TMEM135: variants seen among roughly 807,000 people sequenced by gnomAD.
TMEM135 encodes the protein transmembrane protein 135.
TMEM135 carries 30 observed loss-of-function variants against 60.3 expected under a neutral mutation model. The ratio of observed to expected loss-of-function variants is 0.50; its 90% CI spans 0.37 to 0.68. The LOEUF (loss-of-function observed/expected upper bound fraction) is 0.68, where lower values mean the gene tolerates loss of function less well. Ranked by LOEUF, TMEM135 falls within the 30% of genes least tolerant of loss-of-function variation. TMEM135 has a pLI of 0.00. For synonymous variants in TMEM135, 190 were observed against 186.7 expected, an observed-to-expected ratio of 1.02 and a Z score of -0.14; for missense variants, 468 against 548.8, an observed-to-expected ratio of 0.85 and a Z score of 1.47.
At chr11:87,247,446 A>C (rs526114) in intron 6 of TMEM135, among the ~76,000 whole-genome samples, 99,675 of 151,478 alleles carry the variant, frequency 0.66, 33,348 homozygotes, top group Non-Finnish European at 0.71. Context: ...TGTCTGTGCC[A>C]TTCCCCCAGA....
At chr11:87,269,280 GT>G (rs374547199) in intron 6 of TMEM135, among the ~76,000 whole-genome samples, 2,914 of 115,280 alleles carry the variant, frequency 0.025, 32 homozygotes, top group Middle Eastern at 0.053. Context: ...TTGCTTTAGG[GT>G]TTTTTTTTTT....
intron 6 of TMEM135, among the ~76,000 whole-genome samples, chr11:87,294,202 A>T (rs536512946): frequency 6.6e-6 from 1 of 152,154 alleles, no homozygotes; most frequent in East Asian, 1.9e-4. Flanking sequence ...CCACTTTTTG[A>T]TGGGGTTGTT....
In TMEM135 at chr11:87,303,392, G is replaced by A. The variant is rs140931865; in HGVS notation, c.698+950G>A. Among the ~76,000 whole-genome samples, 465 of 152,220 alleles carry A rather than the reference G, an allele frequency of 3.1e-3. 2 individuals are homozygous for A. The highest frequency in any genetic ancestry group is 0.011 in the African/African-American group (437 of 41,540). ...TGGAAAAATTCTCTTCCGTGAAACCGGTCCCTGGTGCCAAAAAGGTTGGGG... is the reference window on the plus strand; with the variant it reads ...TGGAAAAATTCTCTTCCGTGAAACCAGTCCCTGGTGCCAAAAAGGTTGGGG... On this transcript the variant is annotated intron_variant, in intron 8 of 14. Coordinates refer to ENST00000305494, the MANE Select transcript of TMEM135 (RefSeq NM_022918.4).
intron 3 of TMEM135, among the ~76,000 whole-genome samples, chr11:87,072,636 C>T (rs1274921867): frequency 2.0e-5 from 3 of 152,088 alleles, no homozygotes; most frequent in Non-Finnish European, 4.4e-5. Flanking sequence ...CCGCCTTGGC[C>T]TCCCAAAGTG....
At chr11:87,242,440 A>G (rs1387813907) in intron 6 of TMEM135, among the ~76,000 whole-genome samples, 2 of 116,932 alleles carry the variant, frequency 1.7e-5, no homozygotes, top group East Asian at 4.2e-4. Flanking sequence ...GACTTCCACA[A>G]TGGTTGAACT....
intron 3 of TMEM135, among the ~76,000 whole-genome samples, chr11:87,073,624 C>A (rs1454298952): frequency 6.6e-6 from 1 of 151,882 alleles, no homozygotes; most frequent in Non-Finnish European, 1.5e-5. Flanking sequence ...ATATTCATTA[C>A]TTGAAAAATG....
At chr11:87,081,384 A>G (rs927319502) in intron 3 of TMEM135, among the ~76,000 whole-genome samples, 54 of 152,040 alleles carry the variant, frequency 3.6e-4, no homozygotes, top group African/African-American at 1.3e-3. Flanking sequence ...ACTACAATAT[A>G]CATCTTTGAA....
At chr11:87,162,025 GAAAAT>G (rs970630754) in intron 5 of TMEM135, among the ~76,000 whole-genome samples, 1 of 151,874 alleles carries the variant, frequency 6.6e-6, no homozygotes, top group Admixed American at 6.6e-5. Flanking sequence ...AATTATGAAA[GAAAAT>G]AAAAAACATG....
chr11:87,131,770 T>G (rs502079), intron 4 of TMEM135, among the ~76,000 whole-genome samples: 2 of 151,672 alleles, frequency 1.3e-5, no homozygotes, highest in Non-Finnish European at 2.9e-5. Flanking sequence ...CCAGCAATAC[T>G]GGTCCGTGGC....
At chr11:87,059,785 T>C (rs1949928975) in intron 1 of TMEM135, among the ~76,000 whole-genome samples, 1 of 152,246 alleles carries the variant, frequency 6.6e-6, no homozygotes. Flanking sequence ...TGCTAAATAC[T>C]TTATATTTGT....
At chr11:87,274,060 G>A (rs752012834) in intron 6 of TMEM135, among the ~76,000 whole-genome samples, 7 of 152,048 alleles carry the variant, frequency 4.6e-5, no homozygotes, top group African/African-American at 9.7e-5. Flanking sequence ...GCACTGTTTC[G>A]GAAATGTATT....
intron 1 of TMEM135, among the ~76,000 whole-genome samples, chr11:87,055,998 G>A (rs567626076): frequency 1.3e-5 from 2 of 152,282 alleles, no homozygotes; most frequent in South Asian, 4.1e-4. Flanking sequence ...AGAGTAGGAT[G>A]TTCCTCAAAG....
At chr11:87,267,270 T>G (rs301602) in intron 6 of TMEM135, among the ~76,000 whole-genome samples, 1 of 151,974 alleles carries the variant, frequency 6.6e-6, no homozygotes, top group African/African-American at 2.4e-5. Context: ...TGAAAAAAAT[T>G]ATCATCTATT....
intron 3 of TMEM135, among the ~76,000 whole-genome samples, chr11:87,081,660 T>G (rs1591004334): frequency 6.7e-6 from 1 of 150,070 alleles, no homozygotes; most frequent in African/African-American, 2.5e-5. Flanking sequence ...TTTTCTGTTT[T>G]ATTTTCACTT....
chr11:87,193,575 A>G (rs930080270), intron 5 of TMEM135, among the ~76,000 whole-genome samples: 1 of 151,940 alleles, frequency 6.6e-6, no homozygotes, highest in Non-Finnish European at 1.5e-5. Flanking sequence ...AATTTCTTCT[A>G]AGTACCCAGG....
rs554614414 is a variant in TMEM135, at chr11:87,172,210, C to T, written c.462+14804C>T. 7.8e-4 allele frequency among the ~76,000 whole-genome samples: 119 copies of T among 152,076 alleles called. 1 individual carries two copies. The South Asian group carries it at 1.0e-2, about 13-fold the overall frequency. On this transcript the variant is annotated intron_variant, in intron 5 of 14. Transcript: ENST00000305494. ...CAGTATCTATATTTTTTAAAATGTC[C>T]GCTGATTTTAATACTTAGCTACTGT... is the stretch of plus-strand genomic sequence containing the variant.
chr11:87,133,882 C>T (rs922328973), intron 4 of TMEM135, among the ~76,000 whole-genome samples: 7 of 152,020 alleles, frequency 4.6e-5, no homozygotes, highest in South Asian at 2.1e-4. Context: ...TTTTTATTGC[C>T]GATAAGCATT....
chr11:87,039,526 C>A (rs1949733050), intron 1 of TMEM135, among the ~76,000 whole-genome samples: 1 of 152,148 alleles, frequency 6.6e-6, no homozygotes, highest in African/African-American at 2.4e-5. Context: ...TCATGTTTAT[C>A]TGCTTTTCCA....
intron 1 of TMEM135, among the ~76,000 whole-genome samples, chr11:87,058,073 C>A (rs916754838): frequency 6.6e-6 from 1 of 152,142 alleles, no homozygotes; most frequent in African/African-American, 2.4e-5. Context: ...AGAAATCAGG[C>A]AGGAGGAGTT....
Sources: gnomAD v4.1 joint callset for allele counts (sites outside exome capture counted in the v4.1 genomes callset) on GRCh38, gnomAD v4.1.1 for gene constraint, MANE v1.5 for transcripts, NCBI Gene and HGNC (gene_info 2026-07-23, HGNC 2026-07-21) for gene names.